The following BNC2 variants were observed in gnomAD, a reference collection of about 807,000 sequenced individuals.
BNC2 encodes the protein basonuclin zinc finger protein 2.
Under a neutral mutation model 76.3 loss-of-function variants are expected in BNC2, and 20 were observed. That is an observed-to-expected ratio of 0.26 (90% confidence interval 0.18 to 0.38). BNC2 has a LOEUF of 0.38. BNC2 is among the 10% of genes least tolerant of loss of function. BNC2 has a pLI of 1.00. For missense variants in BNC2, 1,382 were observed against 1,399.8 expected (o/e 0.99, Z 0.20); for synonymous variants, 582 against 514.8 (o/e 1.13, Z -1.77).
chr9:16,430,546 G>A (rs1820889041), intron 6 of BNC2, among the ~76,000 whole-genome samples: 1 of 152,182 alleles, frequency 6.6e-6, no homozygotes, highest in South Asian at 2.1e-4. Context: ...TTGTTGCTAT[G>A]CTGAGAAGGT....
At chr9:16,624,848 C>A (rs1820950332) in intron 3 of BNC2, among the ~76,000 whole-genome samples, 1 of 152,070 alleles carries the variant, frequency 6.6e-6, no homozygotes, top group African/African-American at 2.4e-5. Flanking sequence ...AATGAGAATG[C>A]ACACATGATA....
At chr9:16,652,998 G>A (rs958089497) in intron 3 of BNC2, among the ~76,000 whole-genome samples, 1 of 152,066 alleles carries the variant, frequency 6.6e-6, no homozygotes, top group African/African-American at 2.4e-5. Flanking sequence ...TTGAACTCTT[G>A]ATTTCAAAAT....
intron 5 of BNC2, chr9:16,473,344 G>C (rs1380184828): frequency 3.3e-5 from 5 of 152,182 alleles, no homozygotes; most frequent in Admixed American, 3.3e-4. Flanking sequence ...AAACCGGAAA[G>C]TGCTCTGTAA....
intron 5 of BNC2, among the ~76,000 whole-genome samples, chr9:16,541,322 G>A (rs1346955591): frequency 6.6e-6 from 1 of 152,176 alleles, no homozygotes; most frequent in Non-Finnish European, 1.5e-5. Flanking sequence ...ATTCAACCCG[G>A]TTTCCCTGGC....
chr9:16,617,632 T>C (rs887513938), intron 3 of BNC2, among the ~76,000 whole-genome samples: 6 of 152,162 alleles, frequency 3.9e-5, no homozygotes, highest in African/African-American at 1.4e-4. Context: ...CCTTGGGGCC[T>C]TAATGAAGGG....
intron 5 of BNC2, among the ~76,000 whole-genome samples, chr9:16,494,198 G>A (rs942590568): frequency 6.6e-6 from 1 of 151,978 alleles, no homozygotes; most frequent in Non-Finnish European, 1.5e-5. Flanking sequence ...CTGTCACCAG[G>A]CTGGAGTGCA....
intron 3 of BNC2, among the ~76,000 whole-genome samples, chr9:16,653,184 T>C (rs188767889): frequency 2.5e-4 from 38 of 152,250 alleles, no homozygotes; most frequent in Non-Finnish European, 1.9e-4. Context: ...TATGGACAAA[T>C]GGGTCTGTGT....
chr9:16,661,782 T>C (rs750578692), intron 3 of BNC2, among the ~76,000 whole-genome samples: 1 of 152,186 alleles, frequency 6.6e-6, no homozygotes, highest in Non-Finnish European at 1.5e-5. Flanking sequence ...TCCATGTAAA[T>C]ACACATAAGA....
intron 3 of BNC2, among the ~76,000 whole-genome samples, chr9:16,715,285 C>T (rs371391463): frequency 2.6e-5 from 4 of 152,072 alleles, no homozygotes; most frequent in African/African-American, 9.7e-5. Flanking sequence ...GGTGATTTTT[C>T]TTTAAATGTG....
rs117614760 is a variant in BNC2, at chr9:16,619,789, G to C, written c.331-36704C>G. On this transcript the variant is annotated intron_variant, in intron 3 of 6. Coordinates refer to ENST00000380672, the MANE Select transcript of BNC2 (RefSeq NM_017637.6). Reference sequence around the variant, plus strand: ...TAACACTTTCTGTAACACACTCTAAGGGCACTGTATAGATCACTGAAAAAT... The same window carrying C: ...TAACACTTTCTGTAACACACTCTAACGGCACTGTATAGATCACTGAAAAAT... Among the ~76,000 whole-genome samples, 181 of 152,194 alleles carry C rather than the reference G, an allele frequency of 1.2e-3. 4 individuals carry two copies. The East Asian group carries it at 0.028, about 23-fold the overall frequency.
intron 5 of BNC2, among the ~76,000 whole-genome samples, chr9:16,503,733 C>A (rs894258569): frequency 7.2e-5 from 11 of 152,130 alleles, no homozygotes; most frequent in African/African-American, 2.4e-4. Flanking sequence ...TCAAGTTTTT[C>A]TTTGTCACCA....
chr9:16,479,474 G>C (rs951822063), intron 5 of BNC2, among the ~76,000 whole-genome samples: 1 of 152,092 alleles, frequency 6.6e-6, no homozygotes, highest in Admixed American at 6.5e-5. Flanking sequence ...GGAGGTATAA[G>C]AGCCTTCCTC....
At chr9:16,456,086 A>G (rs1238351840) in intron 5 of BNC2, among the ~76,000 whole-genome samples, 1 of 152,164 alleles carries the variant, frequency 6.6e-6, no homozygotes, top group East Asian at 1.9e-4. Context: ...TATCTATTAG[A>G]GGAAGAAAAG....
At chr9:16,693,998 G>C (rs1022768971) in intron 3 of BNC2, among the ~76,000 whole-genome samples, 1 of 152,158 alleles carries the variant, frequency 6.6e-6, no homozygotes, top group South Asian at 2.1e-4. Context: ...CCTCTAATGA[G>C]GAAAGAGACT....
At chr9:16,680,157 G>C (rs1452866931) in intron 3 of BNC2, among the ~76,000 whole-genome samples, 1 of 152,044 alleles carries the variant, frequency 6.6e-6, no homozygotes. Flanking sequence ...GGCAACTTGT[G>C]GTAAATGGTT....
At chr9:16,838,920 G>A (rs1469056905) in intron 1 of BNC2, among the ~76,000 whole-genome samples, 1 of 152,160 alleles carries the variant, frequency 6.6e-6, no homozygotes, top group East Asian at 1.9e-4. Flanking sequence ...AATACAAAAA[G>A]GCTATTGTAT....
At chr9:16,700,286 T>G (rs1259287606) in intron 3 of BNC2, among the ~76,000 whole-genome samples, 17 of 152,198 alleles carry the variant, frequency 1.1e-4, no homozygotes, top group Admixed American at 1.1e-3. Flanking sequence ...TGGTTGCTCA[T>G]GCCTATAATC....
chr9:16,517,523 G>A (rs1285177675), intron 5 of BNC2, among the ~76,000 whole-genome samples: 2 of 151,892 alleles, frequency 1.3e-5, no homozygotes, highest in Non-Finnish European at 2.9e-5. Flanking sequence ...GCAGTGGGAG[G>A]GTAATTCCTA....
At chr9:16,599,353 ACT>A (rs1472868954) in intron 3 of BNC2, among the ~76,000 whole-genome samples, 4 of 152,156 alleles carry the variant, frequency 2.6e-5, no homozygotes. Context: ...GAAATTCAAT[ACT>A]CTCTCTTGCT....
Sources: gnomAD v4.1 joint callset for allele counts (sites outside exome capture counted in the v4.1 genomes callset) on GRCh38, gnomAD v4.1.1 for gene constraint, MANE v1.5 for transcripts, NCBI Gene and HGNC (gene_info 2026-07-23, HGNC 2026-07-21) for gene names.